Variants in CSGALNACT1 observed in about 807,000 individuals in gnomAD.
CSGALNACT1 encodes the protein chondroitin sulfate N-acetylgalactosaminyltransferase 1.
In CSGALNACT1, 52 loss-of-function variants were observed where a neutral mutation model predicts 51.0. The observed-to-expected ratio is 1.02, with a 90% CI of 0.82 to 1.29. The LOEUF is 1.29. Ranked by LOEUF, CSGALNACT1 falls within the 50% of genes most tolerant of loss-of-function variation. The pLI, the probability that CSGALNACT1 is intolerant of heterozygous loss-of-function variation, is 0.00. For missense variants in CSGALNACT1, 935 were observed against 679.2 expected, an observed-to-expected ratio of 1.38 and a Z score of -4.19; for synonymous variants, 341 against 254.4, an observed-to-expected ratio of 1.34 and a Z score of -3.24.
In CSGALNACT1 at chr8:19,417,368, G is replaced by C. The variant is rs193006095; in HGVS notation, c.1227+1288C>G. Among the ~76,000 whole-genome samples the C allele has an allele frequency of 1.4e-4, 22 of 152,280 alleles. No homozygotes were observed. The East Asian group carries it at 3.1e-3, about 21-fold the overall frequency. On this transcript the variant is annotated intron_variant, in intron 8 of 9. Coordinates refer to ENST00000454498, the Ensembl canonical transcript of CSGALNACT1. ...CATTGTCCAACCTGAGGGCCCCAAA[G>C]TTGAAACTTTCTGGAAAATATCATA...
At chr8:19,529,651 A>G (rs1480638483) in intron 3 of CSGALNACT1, among the ~76,000 whole-genome samples, 1 of 152,164 alleles carries the variant, frequency 6.6e-6, no homozygotes, top group East Asian at 1.9e-4. Flanking sequence ...TAAAACTTCA[A>G]ATACACACAC....
At chr8:19,612,206 G>A (rs904694268) in intron 1 of CSGALNACT1, among the ~76,000 whole-genome samples, 2 of 152,068 alleles carry the variant, frequency 1.3e-5, no homozygotes, top group African/African-American at 4.8e-5. Context: ...AGCAGAGCGT[G>A]ATGGCACATG....
chr8:19,700,179 G>A (rs1362738057), intron 1 of CSGALNACT1, among the ~76,000 whole-genome samples: 1 of 151,246 alleles, frequency 6.6e-6, no homozygotes, highest in Non-Finnish European at 1.5e-5. Flanking sequence ...AAGAAATAAG[G>A]CACAATGATG....
intron 1 of CSGALNACT1, among the ~76,000 whole-genome samples, chr8:19,732,065 T>A (rs2063723576): frequency 6.6e-6 from 1 of 152,162 alleles, no homozygotes; most frequent in Non-Finnish European, 1.5e-5. Context: ...TTCTAAATCC[T>A]CCAAGTTAAG....
At chr8:19,723,740 T>C (rs1218187851) in intron 1 of CSGALNACT1, among the ~76,000 whole-genome samples, 1 of 152,204 alleles carries the variant, frequency 6.6e-6, no homozygotes, top group Non-Finnish European at 1.5e-5. Context: ...ATTGCACCAT[T>C]TGATGGTACC....
chr8:19,427,851 C>T (rs191665580), intron 6 of CSGALNACT1, among the ~76,000 whole-genome samples: 63 of 152,234 alleles, frequency 4.1e-4, no homozygotes, highest in African/African-American at 1.5e-3. Flanking sequence ...CCTCATGCAC[C>T]TTTGCCACAG....
chr8:19,684,938 C>T (rs1202882128), upstream of CSGALNACT1, among the ~76,000 whole-genome samples: 6 of 152,192 alleles, frequency 3.9e-5, no homozygotes, highest in Non-Finnish European at 7.3e-5. Context: ...TCCACAAAAC[C>T]TGGATCCATC....
intron 4 of CSGALNACT1, among the ~76,000 whole-genome samples, chr8:19,499,092 G>C (rs1343860081): frequency 1.3e-5 from 2 of 152,196 alleles, no homozygotes; most frequent in Non-Finnish European, 2.9e-5. Context: ...TCCAGCCTGA[G>C]CAACAGAGTG....
At chr8:19,512,025 G>A (rs980262374) in intron 3 of CSGALNACT1, among the ~76,000 whole-genome samples, 1 of 152,140 alleles carries the variant, frequency 6.6e-6, no homozygotes, top group Non-Finnish European at 1.5e-5. Context: ...TCAATACTGG[G>A]GATTACAATT....
chr8:19,510,408 C>T (rs12543976), intron 3 of CSGALNACT1, among the ~76,000 whole-genome samples: 185 of 152,256 alleles, frequency 1.2e-3, no homozygotes, highest in African/African-American at 4.3e-3. Context: ...AATGAATAAA[C>T]AATAGACGAC....
At chr8:19,663,211 C>G (rs2058909837) in intron 1 of CSGALNACT1, among the ~76,000 whole-genome samples, 1 of 152,146 alleles carries the variant, frequency 6.6e-6, no homozygotes, top group South Asian at 2.1e-4. Context: ...AAAAAGATAA[C>G]TACACTTGTG....
At chr8:19,567,583 C>T (rs936729612) in intron 3 of CSGALNACT1, among the ~76,000 whole-genome samples, 1 of 152,200 alleles carries the variant, frequency 6.6e-6, no homozygotes, top group Non-Finnish European at 1.5e-5. Context: ...TAAGGATACC[C>T]ACTACCATCA....
chr8:19,452,205 G>C (rs945545563), intron 5 of CSGALNACT1, among the ~76,000 whole-genome samples: 1 of 152,196 alleles, frequency 6.6e-6, no homozygotes, highest in Non-Finnish European at 1.5e-5. Context: ...AGGGAAGCTC[G>C]TTGGCGAGAA....
At chr8:19,648,954 T>A (rs565080244) in intron 1 of CSGALNACT1, among the ~76,000 whole-genome samples, 23 of 152,120 alleles carry the variant, frequency 1.5e-4, no homozygotes, top group Non-Finnish European at 3.1e-4. Flanking sequence ...GTGTTGAAGA[T>A]CTCATATGGG....
chr8:19,483,501 A>C (rs570782504), intron 4 of CSGALNACT1, among the ~76,000 whole-genome samples: 2 of 152,256 alleles, frequency 1.3e-5, no homozygotes, highest in Admixed American at 1.3e-4. Context: ...CCCACAGCCT[A>C]TACTGGCCAT....
intron 3 of CSGALNACT1, among the ~76,000 whole-genome samples, chr8:19,577,423 T>G (rs910373501): frequency 1.4e-5 from 2 of 140,456 alleles, no homozygotes; most frequent in African/African-American, 6.3e-5. Context: ...AAGCCTAGTA[T>G]GGTGGCGCAC....
chr8:19,730,307 G>A (rs1563158804), intron 1 of CSGALNACT1, among the ~76,000 whole-genome samples: 2 of 152,154 alleles, frequency 1.3e-5, no homozygotes, highest in South Asian at 2.1e-4. Context: ...AATAGGACAC[G>A]TAGCTCCCTG....
chr8:19,620,071 G>A (rs1190862531), intron 1 of CSGALNACT1, among the ~76,000 whole-genome samples: 1 of 152,104 alleles, frequency 6.6e-6, no homozygotes, highest in Non-Finnish European at 1.5e-5. Flanking sequence ...CCAACACTTT[G>A]GAAGGCCAAG....
intron 1 of CSGALNACT1, among the ~76,000 whole-genome samples, chr8:19,634,122 G>T (rs1438508945): frequency 1.3e-5 from 2 of 152,168 alleles, no homozygotes; most frequent in African/African-American, 4.8e-5. Flanking sequence ...TTACCTAAAA[G>T]TTAAGTAAAC....
Sources: gnomAD v4.1 joint callset for allele counts (sites outside exome capture counted in the v4.1 genomes callset) on GRCh38, gnomAD v4.1.1 for gene constraint, MANE v1.5 for transcripts, NCBI Gene and HGNC (gene_info 2026-07-23, HGNC 2026-07-21) for gene names.